MYO1B: variants seen among roughly 807,000 people sequenced by gnomAD.
MYO1B encodes myosin IB, also known as unconventional myosin-Ib.
A neutral mutation model predicts 159.7 loss-of-function variants in MYO1B; 72 were observed. The ratio of observed to expected loss-of-function variants is 0.45; its 90% CI spans 0.37 to 0.55. MYO1B has a LOEUF of 0.55. Ranked by LOEUF, MYO1B falls within the 20% of genes least tolerant of loss-of-function variation. MYO1B has a pLI of 0.00. For missense variants in MYO1B, 1,062 were observed against 1,364.8 expected, an observed-to-expected ratio of 0.78 and a Z score of 3.50; for synonymous variants, 468 against 473.8, an observed-to-expected ratio of 0.99 and a Z score of 0.16.
At chr2:191,293,968 G>T (rs4853464) in intron 2 of MYO1B, among the ~76,000 whole-genome samples, 151,256 of 152,316 alleles carry the variant, frequency 0.99, 75,106 homozygotes, top group East Asian at 1. Context: ...AGAATAATTA[G>T]ATGTGTTTCA....
chr2:191,410,957 A>G, intron 26 of MYO1B, 109 bp from the exon 27 acceptor site: 1 of 636,890 alleles, frequency 1.6e-6, no homozygotes, highest in Admixed American at 3.3e-5. Context: ...AATGTTTTGT[A>G]CTTTCTCCCT....
chr2:191,393,249 GTAA>G (rs1254879691), intron 20 of MYO1B, 27 bp downstream of exon 20: 1 of 1,608,434 alleles, frequency 6.2e-7, no homozygotes, highest in African/African-American at 1.3e-5. Context: ...TTTTAAATCA[GTAA>G]TAACAATGCT....
At chr2:191,281,557 C>T (rs1688062377) in intron 2 of MYO1B, among the ~76,000 whole-genome samples, 1 of 152,200 alleles carries the variant, frequency 6.6e-6, no homozygotes, top group African/African-American at 2.4e-5. Context: ...CCGGCCTCCC[C>T]TCCCCGGCCC....
At chr2:191,397,486 T>C (rs988008292) in intron 21 of MYO1B, among the ~76,000 whole-genome samples, 3 of 152,086 alleles carry the variant, frequency 2.0e-5, no homozygotes, top group African/African-American at 4.8e-5. Flanking sequence ...ACAGCACACG[T>C]TTCAGAGAGC....
At chr2:191,333,656 A>G (rs1691636538) in intron 4 of MYO1B, among the ~76,000 whole-genome samples, 2 of 151,750 alleles carry the variant, frequency 1.3e-5, no homozygotes, top group Non-Finnish European at 2.9e-5. Context: ...CCCTAATTCC[A>G]TTTTACAGAC....
intron 13 of MYO1B, among the ~76,000 whole-genome samples, chr2:191,370,610 GT>G (rs1329425510): frequency 2.0e-5 from 3 of 152,182 alleles, no homozygotes; most frequent in Non-Finnish European, 4.4e-5. Flanking sequence ...TTGAAATTGC[GT>G]ATTTAAATTT....
At chr2:191,313,306 G>A (rs182922521) in intron 3 of MYO1B, among the ~76,000 whole-genome samples, 1 of 136,206 alleles carries the variant, frequency 7.3e-6, no homozygotes, top group African/African-American at 2.7e-5. Context: ...TGCCTCCCGG[G>A]TTCCAGGAAT....
At chr2:191,248,066 A>T in intron 1 of MYO1B, 1 of 977,784 alleles carries the variant, frequency 1.0e-6, no homozygotes, top group African/African-American at 1.7e-5. Context: ...CCATGTTTTT[A>T]GCATTTGTCC....
intron 1 of MYO1B, among the ~76,000 whole-genome samples, chr2:191,265,416 GA>G (rs1171313833): frequency 1.3e-5 from 2 of 152,140 alleles, no homozygotes; most frequent in African/African-American, 4.8e-5. Context: ...ACAGAGGAAT[GA>G]ATCTACAAGT....
At chr2:191,273,449 C>T (rs987414747) in intron 1 of MYO1B, among the ~76,000 whole-genome samples, 1 of 152,102 alleles carries the variant, frequency 6.6e-6, no homozygotes, top group Non-Finnish European at 1.5e-5. Context: ...CTTGCCCTGT[C>T]CTCCTCCATG....
At chr2:191,389,003 T>C (rs1011762120) in intron 17 of MYO1B, among the ~76,000 whole-genome samples, 4 of 152,110 alleles carry the variant, frequency 2.6e-5, no homozygotes, top group Non-Finnish European at 5.9e-5. Flanking sequence ...TAGGTCTGTT[T>C]CCCCCCCATG....
At chr2:191,279,242 C>T (rs1420566205) in intron 2 of MYO1B, among the ~76,000 whole-genome samples, 2 of 152,170 alleles carry the variant, frequency 1.3e-5, no homozygotes, top group African/African-American at 4.8e-5. Context: ...TGTTTTGTAA[C>T]TTCAAACACC....
chr2:191,262,116 A>G (rs1686848934), intron 1 of MYO1B, among the ~76,000 whole-genome samples: 1 of 151,846 alleles, frequency 6.6e-6, no homozygotes, highest in South Asian at 2.1e-4. Context: ...TCTCCTTTTC[A>G]TTTCCATTAG....
chr2:191,317,231 G>A (rs1035640845), intron 3 of MYO1B, among the ~76,000 whole-genome samples: 13 of 151,680 alleles, frequency 8.6e-5, no homozygotes, highest in African/African-American at 3.1e-4. Context: ...GGATACATCC[G>A]CTATAGAACT....
At chr2:191,413,171 TTATGAAGTTGTCATATGTCA>T (rs1323336751) in intron 27 of MYO1B, among the ~76,000 whole-genome samples, 8 of 152,194 alleles carry the variant, frequency 5.3e-5, no homozygotes, top group Non-Finnish European at 1.0e-4. Context: ...AAGTCAATTT[TTATGAAGTTGTCATATGTCA>T]TATGAAGTTG....
At chr2:191,375,082 C>T (rs1694614622) in intron 13 of MYO1B, among the ~76,000 whole-genome samples, 1 of 152,294 alleles carries the variant, frequency 6.6e-6, no homozygotes, top group African/African-American at 2.4e-5. Flanking sequence ...CTGATTATTT[C>T]ACCTTTCATA....
At chr2:191,350,818 A>C (rs202065647) in intron 7 of MYO1B, among the ~76,000 whole-genome samples, 122 of 131,402 alleles carry the variant, frequency 9.3e-4, no homozygotes, top group African/African-American at 2.4e-3. Flanking sequence ...AAAAAAAAAA[A>C]CAAAAAAAAC....
At chr2:191,364,778 G>A (rs538498085) in intron 11 of MYO1B, among the ~76,000 whole-genome samples, 6 of 152,340 alleles carry the variant, frequency 3.9e-5, no homozygotes, top group African/African-American at 7.2e-5. Flanking sequence ...CCAGGTAGTC[G>A]CAGTGGAGTC....
intron 1 of MYO1B, among the ~76,000 whole-genome samples, chr2:191,269,979 C>G (rs1022309940): frequency 6.6e-6 from 1 of 152,162 alleles, no homozygotes; most frequent in Non-Finnish European, 1.5e-5. Context: ...CTGTTAGACA[C>G]AGCCAAGTGG....
Sources: allele counts gnomAD v4.1 joint callset (sites outside exome capture counted in the v4.1 genomes callset), GRCh38; gene constraint gnomAD v4.1.1; transcripts MANE v1.5; gene names NCBI Gene and HGNC (gene_info 2026-07-23, HGNC 2026-07-21).